LAMB4: variants seen among roughly 807,000 people sequenced by gnomAD.
LAMB4 encodes laminin subunit beta 4, also known as laminin subunit beta-4.
Under a neutral mutation model 199.2 loss-of-function variants are expected in LAMB4, and 196 were observed. The ratio of observed to expected loss-of-function variants is 0.98; its 90% CI spans 0.88 to 1.11. The LOEUF is 1.11. Among genes scored for constraint, LAMB4 ranks in the 50% least tolerant of loss-of-function variants. LAMB4 has a pLI of 0.00. For missense variants in LAMB4, 2,080 were observed against 2,171.2 expected (o/e 0.96, Z 0.83); for synonymous variants, 744 against 770.6 (o/e 0.97, Z 0.57).
At chr7:108,103,416 C>T (rs906463494) in intron 9 of LAMB4, among the ~76,000 whole-genome samples, 184 bp from the exon 10 acceptor site, 3 of 152,232 alleles carry the variant, frequency 2.0e-5, no homozygotes, top group African/African-American at 7.2e-5. Flanking sequence ...TTCTAACACT[C>T]TGATTCTGCT....
At position 108,066,511 on chromosome 7, in the gene LAMB4, G is replaced by A. The variant is rs375212601; in HGVS notation, c.2536C>T (p.Arg846Cys). Residue 846 changes from arginine to cysteine, a missense_variant, in exon 20 of 34, where the codon CGC (arginine) becomes TGC (cysteine). Physicochemically the swap from Arg to Cys is radical, Grantham distance 180. Transcript: ENST00000388781. ...CPCHGEVSGR[R>C]CDRCLAGYFG... ...TAGCCTGCCAGGCAGCGATCACAGC[G>A]GCGGCCAGACACCTCTCCATGGCAG... The A allele has an allele frequency of 3.6e-5, 58 of 1,613,948 alleles. No individual in the cohort carries two copies. Among genetic ancestry groups the A allele is most frequent in the African/African-American group, 1.2e-4 (9 of 74,926 alleles).
chr7:108,028,958 G>GCTGACA (rs746296885), intron 33 of LAMB4, 85 bp downstream of exon 33: 155 of 1,301,946 alleles, frequency 1.2e-4, no homozygotes, highest in Non-Finnish European at 1.6e-4. Flanking sequence ...AAAACTGTAA[G>GCTGACA]CTGACATTGG....
At chr7:108,117,187 AG>A (rs2038437800) in intron 2 of LAMB4, among the ~76,000 whole-genome samples, 2 of 152,244 alleles carry the variant, frequency 1.3e-5, no homozygotes, top group Admixed American at 1.3e-4. Flanking sequence ...TTACCTATAT[AG>A]TACAGCATAC....
intron 24 of LAMB4, among the ~76,000 whole-genome samples, 166 bp downstream of exon 24, chr7:108,057,666 A>G (rs1211687846): frequency 6.6e-6 from 1 of 152,194 alleles, no homozygotes; most frequent in Non-Finnish European, 1.5e-5. Flanking sequence ...TTGCAGGGCT[A>G]TAGGAAGATT....
At chr7:108,091,848 G>A (rs2037417811) in intron 13 of LAMB4, 72 bp from the exon 14 acceptor site, 1 of 1,459,844 alleles carries the variant, frequency 6.9e-7, no homozygotes, top group East Asian at 2.3e-5. Flanking sequence ...AGGGGTGCTG[G>A]GCTAATGCTC....
chr7:108,088,516 T>C (rs570908219), intron 14 of LAMB4, among the ~76,000 whole-genome samples: 1 of 152,332 alleles, frequency 6.6e-6, no homozygotes, highest in African/African-American at 2.4e-5. Flanking sequence ...GTATTAATTA[T>C]ACCACGGACC....
At position 108,123,291 on chromosome 7, in the gene LAMB4, TC is replaced by T. The variant is rs1392550668; in HGVS notation, c.-33-95del. On this transcript the variant is annotated intron_variant, in intron 1 of 33. Coordinates refer to ENST00000388781, the MANE Select transcript of LAMB4 (RefSeq NM_007356.3). ...AAAGTGCTTAGGGTTATCGAATGGT[TC>T]TTATGCTTTAGACATACGAAATAAC... 4.3e-6 allele frequency: 3 copies of T among 695,116 alleles called. No homozygotes were observed. The African/African-American group carries it at 5.4e-5, about 13-fold the overall frequency. 43.1% of individuals were successfully genotyped at this position (695,116 alleles called of 1,614,324 possible).
intron 23 of LAMB4, chr7:108,062,367 C>A (rs1280976749): frequency 6.5e-6 from 1 of 152,972 alleles, no homozygotes; most frequent in Non-Finnish European, 1.5e-5. Context: ...CAATAGGAAA[C>A]AACAGCTCAG....
At chr7:108,123,304 A>AG in intron 1 of LAMB4, 107 bp from the exon 2 acceptor site, 1 of 600,826 alleles carries the variant, frequency 1.7e-6, no homozygotes, top group Non-Finnish European at 2.9e-6. Context: ...TATGCTTTAG[A>AG]CATACGAAAT....
chr7:108,112,210 G>A (rs2038252476), intron 3 of LAMB4, among the ~76,000 whole-genome samples: 1 of 152,044 alleles, frequency 6.6e-6, no homozygotes, highest in African/African-American at 2.4e-5. Flanking sequence ...AAGAGGCAGA[G>A]GATCTGGAAG....
intron 14 of LAMB4, among the ~76,000 whole-genome samples, chr7:108,084,711 T>C (rs1251743442): frequency 6.6e-6 from 1 of 151,972 alleles, no homozygotes; most frequent in Non-Finnish European, 1.5e-5. Flanking sequence ...GAAGCCAAGC[T>C]TTCTGTTAGA....
At chr7:108,090,520 C>G (rs1308188171) in intron 14 of LAMB4, among the ~76,000 whole-genome samples, 5 of 152,124 alleles carry the variant, frequency 3.3e-5, no homozygotes, top group Middle Eastern at 3.4e-3. Context: ...ATGAAATCAG[C>G]ATTGTTTCAG....
At chr7:108,115,127 T>C (rs1584782054) in intron 3 of LAMB4, among the ~76,000 whole-genome samples, 2 of 152,120 alleles carry the variant, frequency 1.3e-5, no homozygotes, top group East Asian at 3.8e-4. Flanking sequence ...TCTATGGGAG[T>C]GGCAAAGGTA....
chr7:108,079,859 C>T lies in LAMB4; in HGVS notation c.1702-73G>A. The T allele has an allele frequency of 2.9e-6, 3 of 1,033,452 alleles. No homozygotes were observed. In the South Asian group the frequency reaches 5.3e-5, roughly 18 times the overall value. The allele number at this position is 1,033,452 out of a possible 1,614,324, so 64.0% of individuals were successfully genotyped here. A position where few individuals can be genotyped will look rare whatever the true frequency, so the allele number is the denominator to read the frequency against. ...GAAAGAGTTCAAGAAAACCAGTCCC[C>T]CACTGCACCACCCCCTGTATTTCCT... On this transcript the variant is annotated intron_variant, in intron 14 of 33. Transcript: ENST00000388781.
At chr7:108,020,893 G>A (rs895541561), downstream of LAMB4, among the ~76,000 whole-genome samples, 8 of 152,170 alleles carry the variant, frequency 5.3e-5, no homozygotes, top group South Asian at 2.1e-4. Flanking sequence ...GCAAAAAAGG[G>A]GGGTGTATAA....
chr7:108,025,286 T>C (rs1242388550), intron 33 of LAMB4, among the ~76,000 whole-genome samples: 1 of 152,138 alleles, frequency 6.6e-6, no homozygotes, highest in Non-Finnish European at 1.5e-5. Context: ...TGTCTAAATA[T>C]AAAAAACTCT....
At chr7:108,052,754 T>A (rs1339712168) in intron 25 of LAMB4, among the ~76,000 whole-genome samples, 2 of 152,218 alleles carry the variant, frequency 1.3e-5, no homozygotes, top group African/African-American at 4.8e-5. Context: ...TTTCCATTAG[T>A]GACAGGGAGG....
Position 108,062,824 on chromosome 7 carries a change from G to C in LAMB4, c.3232C>G (p.Gln1078Glu). The C allele has an allele frequency of 6.5e-7, 1 of 1,547,574 alleles. No homozygotes were observed. The highest frequency in any genetic ancestry group is 2.4e-5 in the East Asian group (1 of 42,082). ...GTCCTAGGGTCACAGTCACATGACT[G>C]ACATCCTCTGCCAGGGACCAGATTC... ...YWNLVPGRGC[Q>E]SCDCDPRTSQ... Residue 1078 changes from glutamine (Q) to glutamate (E), a missense_variant, in exon 23 of 34, where the codon CAG becomes GAG. Physicochemically the swap from Gln to Glu is conservative, Grantham distance 29. Coordinates refer to ENST00000388781, the MANE Select transcript of LAMB4 (RefSeq NM_007356.3).
rs146927449 is a variant in LAMB4 at position 108,055,556 on chromosome 7, C to T, written c.3755+76G>A. 3.5e-5 allele frequency: 50 copies of T among 1,412,250 alleles called. No individual in the cohort carries two copies. In the East Asian group the frequency reaches 1.1e-3, roughly 31 times the overall value. 87.5% of individuals were successfully genotyped at this position (1,412,250 alleles called of 1,614,324 possible). A position where few individuals can be genotyped will look rare whatever the true frequency, so the allele number is the denominator to read the frequency against. On this transcript the variant is annotated intron_variant, in intron 25 of 33. Coordinates refer to ENST00000388781, the MANE Select transcript of LAMB4 (RefSeq NM_007356.3). ...CATAGGTACATTTCTAAATTGAAGG[C>T]TGACGATGTTAAAGCTTGGTGGGAG...
Sources: gnomAD v4.1 joint callset for allele counts (sites outside exome capture counted in the v4.1 genomes callset) on GRCh38, gnomAD v4.1.1 for gene constraint, MANE v1.5 for transcripts, NCBI Gene and HGNC (gene_info 2026-07-23, HGNC 2026-07-21) for gene names.